Variants in PIGN observed in about 807,000 individuals in gnomAD.
PIGN encodes phosphatidylinositol glycan anchor biosynthesis class N, also known as GPI ethanolamine phosphate transferase 1.
Under a neutral mutation model 125.4 loss-of-function variants are expected in PIGN, and 117 were observed. That is an observed-to-expected ratio of 0.93 (90% CI 0.80 to 1.09). PIGN has a LOEUF of 1.09. Ranked by LOEUF, PIGN falls within the 50% of genes least tolerant of loss-of-function variation. The pLI, the probability that PIGN is intolerant of heterozygous loss-of-function variation, is 0.00. For missense variants in PIGN, 1,075 were observed against 1,094.9 expected (o/e 0.98, Z 0.26); for synonymous variants, 392 against 377.8 (o/e 1.04, Z -0.44).
At position 62,077,597 on chromosome 18, in the gene PIGN, C is replaced by T. The variant is rs577802444; in HGVS notation, c.2577-2776G>A. 3.3e-5 allele frequency among the ~76,000 whole-genome samples: 5 copies of T among 152,240 alleles called. No homozygotes were observed. The South Asian group carries it at 1.0e-3, about 32-fold the overall frequency. On this transcript the variant is annotated intron_variant, in intron 28 of 30. Transcript: ENST00000640252. ...ATCTATAAAATGGTTGTAATAATATCTATATTTCCTAGTATCATTGGAAAA... is the reference window on the plus strand; with the variant it reads ...ATCTATAAAATGGTTGTAATAATATTTATATTTCCTAGTATCATTGGAAAA...
At chr18:62,138,899 T>C (rs1599610080) in intron 13 of PIGN, 84 bp downstream of exon 13, 2 of 695,460 alleles carry the variant, frequency 2.9e-6, no homozygotes, top group East Asian at 5.6e-5. Context: ...AAAAACAAAA[T>C]CAAATATTTT....
chr18:62,077,358 G>A (rs1041001110), intron 28 of PIGN, among the ~76,000 whole-genome samples: 1 of 152,144 alleles, frequency 6.6e-6, no homozygotes, highest in Admixed American at 6.5e-5. Flanking sequence ...GGGTGACAGA[G>A]TGAGACTCTG....
At chr18:62,173,323 G>A (rs112332976) in intron 1 of PIGN, among the ~76,000 whole-genome samples, 6,681 of 152,200 alleles carry the variant, frequency 0.044, 177 homozygotes, top group Middle Eastern at 0.071. Context: ...CACAATTTCC[G>A]AGCCTCAGAC....
intron 7 of PIGN, among the ~76,000 whole-genome samples, chr18:62,150,536 T>C (rs1275755958): frequency 1.3e-5 from 2 of 152,120 alleles, no homozygotes; most frequent in African/African-American, 2.4e-5. Context: ...AGGCGAACCT[T>C]TGAGGCCATT....
chr18:62,091,608 G>A lies in PIGN; in HGVS notation c.2181-1030C>T, dbSNP rs550056109. 1.3e-3 allele frequency among the ~76,000 whole-genome samples: 204 copies of A among 152,258 alleles called. 1 individual carries two copies. The highest frequency in any genetic ancestry group is 2.1e-3 in the Non-Finnish European group (142 of 68,016). On this transcript the variant is annotated intron_variant, in intron 23 of 30. Coordinates refer to ENST00000640252, the MANE Select transcript of PIGN (RefSeq NM_176787.5). ...CAGAAAACAACCTACATGTCCACCG[G>A]GGAATGATTAAATGTGTGGTACACC... is the stretch of plus-strand genomic sequence containing the variant.
At chr18:62,119,426 A>T (rs1366295097) in intron 14 of PIGN, among the ~76,000 whole-genome samples, 2 of 152,212 alleles carry the variant, frequency 1.3e-5, no homozygotes, top group South Asian at 2.1e-4. Context: ...CTATTTTTTT[A>T]AAAATCAAAA....
chr18:62,028,432 C>A (rs1033859893), intron 23 of PIGN, among the ~76,000 whole-genome samples: 1 of 152,158 alleles, frequency 6.6e-6, no homozygotes, highest in Non-Finnish European at 1.5e-5. Flanking sequence ...GAAATTTAAA[C>A]AAGAAGCCTT....
downstream of PIGN, among the ~76,000 whole-genome samples, chr18:62,038,777 A>G (rs1039393849): frequency 1.3e-5 from 2 of 152,082 alleles, no homozygotes; most frequent in Non-Finnish European, 2.9e-5. Flanking sequence ...CAAAAACAAA[A>G]TATTTAAAAA....
chr18:62,030,527 T>C (rs1381003290), intron 23 of PIGN, among the ~76,000 whole-genome samples: 1 of 152,194 alleles, frequency 6.6e-6, no homozygotes, highest in Non-Finnish European at 1.5e-5. Context: ...CAGAGCTCTA[T>C]ACATGTCCAG....
At chr18:62,183,224 T>TGCTA (rs10675654) in intron 1 of PIGN, among the ~76,000 whole-genome samples, 1 of 151,448 alleles carries the variant, frequency 6.6e-6, no homozygotes, top group Non-Finnish European at 1.5e-5. Flanking sequence ...TAAAATCGTA[T>TGCTA]ATTAAAAAAT....
At chr18:62,185,890 C>T (rs1256535613) in intron 1 of PIGN, among the ~76,000 whole-genome samples, 1 of 152,190 alleles carries the variant, frequency 6.6e-6, no homozygotes, top group Non-Finnish European at 1.5e-5. Flanking sequence ...CTCTCTGAAG[C>T]ATTCAACTTT....
intron 25 of PIGN, among the ~76,000 whole-genome samples, chr18:62,086,884 T>A (rs2033731447): frequency 1.5e-5 from 2 of 131,706 alleles, no homozygotes. Flanking sequence ...AAGGAGCAGT[T>A]AAATATGACA....
chr18:62,141,579 C>G (rs897933522), intron 11 of PIGN, among the ~76,000 whole-genome samples: 3 of 152,208 alleles, frequency 2.0e-5, no homozygotes, highest in Non-Finnish European at 1.5e-5. Context: ...TTACCAGGTA[C>G]CATCCTCCAG....
At chr18:62,058,232 T>C (rs2031869602) in intron 30 of PIGN, among the ~76,000 whole-genome samples, 1 of 152,254 alleles carries the variant, frequency 6.6e-6, no homozygotes, top group Non-Finnish European at 1.5e-5. Flanking sequence ...TGATGTTAAA[T>C]GTTACTTTGT....
Position 62,090,579 on chromosome 18 carries a change from C to A in PIGN, c.2181-1G>T. 1 of 1,560,352 alleles carries A rather than the reference C, an allele frequency of 6.4e-7. No homozygotes were observed. Among genetic ancestry groups the A allele is most frequent in the Non-Finnish European group, 8.8e-7 (1 of 1,135,226 alleles). Reference sequence around the variant, plus strand: ...CACTAGTGGAAAGAGAGCTTCATACCTAACAGGTGGGGAAAGGTAGAAATG... The same window carrying A: ...CACTAGTGGAAAGAGAGCTTCATACATAACAGGTGGGGAAAGGTAGAAATG... On this transcript the variant is annotated splice_acceptor_variant, in intron 23 of 30. Coordinates refer to ENST00000640252, the MANE Select transcript of PIGN (RefSeq NM_176787.5). LOFTEE classifies it high-confidence loss of function.
rs542153352 is a variant in PIGN, at chr18:62,131,004, T to C, written c.1172+7239A>G. The stretch of plus-strand genomic sequence containing the variant: ...GTAGGTATGTGATGCACAGAAGTTT[T>C]TTTTAAAGATAAATTTCAGTTTTGA... On this transcript the variant is annotated intron_variant, in intron 14 of 30. Coordinates refer to ENST00000640252, the MANE Select transcript of PIGN (RefSeq NM_176787.5). 2.6e-4 allele frequency among the ~76,000 whole-genome samples: 39 copies of C among 152,274 alleles called. No individual in the cohort carries two copies. In the South Asian group the frequency reaches 7.5e-3, roughly 29 times the overall value.
rs139879558 is a variant in PIGN at position 62,175,336 on chromosome 18, C to A, written c.-236+11508G>T. 1.5e-3 allele frequency among the ~76,000 whole-genome samples: 235 copies of A among 152,114 alleles called. 1 individual carries two copies. The highest frequency in any genetic ancestry group is 5.3e-3 in the African/African-American group (219 of 41,508). On this transcript the variant is annotated intron_variant, in intron 1 of 30. Coordinates refer to ENST00000640252, the MANE Select transcript of PIGN (RefSeq NM_176787.5). ...TTACTCTACAAATTGTAGAACATTTCACTTGTTCACTATACTTCATTCTAA... is the reference window on the plus strand; with the variant it reads ...TTACTCTACAAATTGTAGAACATTTAACTTGTTCACTATACTTCATTCTAA...
In PIGN at chr18:62,125,133, CGTTTGTACATATGTGTATATACAT is replaced by C. The variant is rs1568202934; in HGVS notation, c.1173-10518_1173-10495del. Reference sequence around the variant, plus strand: ...GTACATATGTGTATATAAATATACACGTTTGTACATATGTGTATATACATGTTTGTACATATGTGTATATAAATA... The same window carrying C: ...GTACATATGTGTATATAAATATACACGTTTGTACATATGTGTATATAAATA... On this transcript the variant is annotated intron_variant, in intron 14 of 30. Coordinates refer to ENST00000640252, the MANE Select transcript of PIGN (RefSeq NM_176787.5). Among the ~76,000 whole-genome samples, 385 of 68,570 alleles carry C rather than the reference CGTTTGTACATATGTGTATATACAT, an allele frequency of 5.6e-3. 14 individuals are homozygous for C. The highest frequency in any genetic ancestry group is 0.011 in the Middle Eastern group (1 of 94). The allele number at this position is 68,570 out of a possible 152,430, so 45.0% of individuals were successfully genotyped here. A position where few individuals can be genotyped will look rare whatever the true frequency, so the allele number is the denominator to read the frequency against.
chr18:62,111,905 T>G (rs2034894211), intron 16 of PIGN, among the ~76,000 whole-genome samples: 1 of 152,186 alleles, frequency 6.6e-6, no homozygotes. Context: ...TGAAGAACTA[T>G]CAGCTATGAA....
Sources: gnomAD v4.1 joint callset for allele counts (sites outside exome capture counted in the v4.1 genomes callset) on GRCh38, gnomAD v4.1.1 for gene constraint, MANE v1.5 for transcripts, NCBI Gene and HGNC (gene_info 2026-07-23, HGNC 2026-07-21) for gene names.